Variants in ZNF569 observed in about 807,000 individuals in gnomAD.
ZNF569 encodes the protein zinc finger protein 569, also known as DNA-binding protein.
A neutral mutation model predicts 56.3 loss-of-function variants in ZNF569; 38 were observed. That is an observed-to-expected ratio of 0.68 (90% CI 0.52 to 0.88). ZNF569 has a LOEUF of 0.88. Among genes scored for constraint, ZNF569 ranks in the 40% least tolerant of loss-of-function variants. The pLI is 0.00. For missense variants in ZNF569, 666 were observed against 809.2 expected, an observed-to-expected ratio of 0.82 and a Z score of 2.15; for synonymous variants, 241 against 262.9, an observed-to-expected ratio of 0.92 and a Z score of 0.81.
chr19:37,436,037 A>G (rs1011817906), intron 3 of ZNF569, among the ~76,000 whole-genome samples: 3 of 152,212 alleles, frequency 2.0e-5, no homozygotes, highest in Non-Finnish European at 4.4e-5. Context: ...ATGGCTGCAG[A>G]ATGCGCATTC....
chr19:37,466,168 C>T (rs970779908), intron 1 of ZNF569, among the ~76,000 whole-genome samples: 1 of 152,092 alleles, frequency 6.6e-6, no homozygotes, highest in Non-Finnish European at 1.5e-5. Flanking sequence ...TTTTGTTCTT[C>T]GAGCTTTTCT....
At chr19:37,467,572 T>G, upstream of ZNF569, 1 of 381,180 alleles carries the variant, frequency 2.6e-6, no homozygotes. Flanking sequence ...CCCGGCTCAG[T>G]GTGTTTAGTT....
intron 3 of ZNF569, among the ~76,000 whole-genome samples, chr19:37,439,227 T>C (rs560730341): frequency 6.6e-6 from 1 of 152,294 alleles, no homozygotes; most frequent in Middle Eastern, 3.4e-3. Flanking sequence ...TGCACCACCA[T>C]GCCTGGCTCA....
In ZNF569 at chr19:37,455,128, G is replaced by C. The variant is rs77685108; in HGVS notation, c.-43-10164C>G. ...CAATAAACTTTTGAGAAGTCCTTCA[G>C]TTTATTTTGTCATGGGGCTCAAAAA... On this transcript the variant is annotated intron_variant, in intron 2 of 5. Transcript: ENST00000316950. 4.6e-5 allele frequency: 18 copies of C among 388,154 alleles called. No individual in the cohort carries two copies. In the East Asian group the frequency reaches 7.3e-4, roughly 16 times the overall value. 24.0% of individuals were successfully genotyped at this position (388,154 alleles called of 1,614,324 possible). A position where few individuals can be genotyped will look rare whatever the true frequency, so the allele number is the denominator to read the frequency against.
chr19:37,425,804 A>G, intron 5 of ZNF569, 64 bp downstream of exon 5: 1 of 1,267,970 alleles, frequency 7.9e-7, no homozygotes, highest in South Asian at 1.2e-5. Context: ...GGGATCAACC[A>G]TTCACTGATT....
At chr19:37,456,051 G>T (rs1003534360) in intron 2 of ZNF569, among the ~76,000 whole-genome samples, 1 of 152,184 alleles carries the variant, frequency 6.6e-6, no homozygotes, top group African/African-American at 2.4e-5. Flanking sequence ...TTGGCTAACT[G>T]TAGGCTTCTC....
intron 2 of ZNF569, among the ~76,000 whole-genome samples, chr19:37,452,330 T>A (rs988918457): frequency 2.0e-5 from 3 of 152,250 alleles, no homozygotes; most frequent in Admixed American, 6.5e-5. Context: ...TAAAAGTTAT[T>A]TACCCACCAC....
chr19:37,450,538 CTATT>C (rs1256572228), intron 2 of ZNF569, among the ~76,000 whole-genome samples: 2 of 152,066 alleles, frequency 1.3e-5, no homozygotes, highest in African/African-American at 4.8e-5. Flanking sequence ...TGAGTCTTCT[CTATT>C]TTTTTCATAG....
At chr19:37,424,485 AAG>A (rs1456499574) in intron 5 of ZNF569, among the ~76,000 whole-genome samples, 2 of 152,088 alleles carry the variant, frequency 1.3e-5, no homozygotes, top group African/African-American at 2.4e-5. Flanking sequence ...AGGTTTATAA[AAG>A]AGTTTGCATC....
At chr19:37,464,346 C>T (rs2112920) in intron 2 of ZNF569, among the ~76,000 whole-genome samples, 3 of 151,888 alleles carry the variant, frequency 2.0e-5, no homozygotes, top group Admixed American at 6.6e-5. Flanking sequence ...TGTGCTACCA[C>T]GCCTGGCTAA....
intron 2 of ZNF569, chr19:37,454,776 T>A (rs1191656094): frequency 4.3e-6 from 3 of 695,576 alleles, no homozygotes; most frequent in Non-Finnish European, 7.9e-6. Flanking sequence ...ACACTTTCAT[T>A]AGCTGACATT....
At chr19:37,425,837 C>A (rs375917076) in intron 5 of ZNF569, 31 bp downstream of exon 5, 200 of 1,548,522 alleles carry the variant, frequency 1.3e-4, no homozygotes, top group Non-Finnish European at 1.7e-4. Context: ...GCCCTGACCT[C>A]TCCTCACCTG....
intron 2 of ZNF569, among the ~76,000 whole-genome samples, chr19:37,453,024 CTGAAT>C (rs1182165093): frequency 6.6e-6 from 1 of 152,138 alleles, no homozygotes; most frequent in Non-Finnish European, 1.5e-5. Flanking sequence ...ACTCCCCTGA[CTGAAT>C]TATTTCTAAT....
At chr19:37,434,505 G>A (rs566835729) in intron 3 of ZNF569, among the ~76,000 whole-genome samples, 1 of 152,268 alleles carries the variant, frequency 6.6e-6, no homozygotes, top group East Asian at 1.9e-4. Context: ...TGGCCAACAT[G>A]GTGAAACCCT....
intron 5 of ZNF569, among the ~76,000 whole-genome samples, chr19:37,424,781 A>C (rs1222382004): frequency 7.6e-6 from 1 of 131,224 alleles, no homozygotes; most frequent in Non-Finnish European, 1.5e-5. Context: ...GCACCACTGC[A>C]CTCCAGCCTG....
At chr19:37,452,873 G>A (rs1410049464) in intron 2 of ZNF569, among the ~76,000 whole-genome samples, 8 of 152,052 alleles carry the variant, frequency 5.3e-5, no homozygotes, top group Admixed American at 5.2e-4. Context: ...GGAGTTTTCA[G>A]CCATTACTTT....
upstream of ZNF569, among the ~76,000 whole-genome samples, chr19:37,468,773 T>G (rs1176875932): frequency 2.0e-5 from 3 of 152,204 alleles, no homozygotes; most frequent in African/African-American, 7.2e-5. Context: ...TCCAAAGTGC[T>G]GGGATTACAG....
Position 37,413,612 on chromosome 19 carries a change from G to A in ZNF569, c.1046C>T (p.Thr349Ile). Residue 349 changes from threonine to isoleucine, a missense_variant, in exon 6 of 6, where the codon ACA becomes ATA. Coordinates refer to ENST00000316950, the MANE Select transcript of ZNF569 (RefSeq NM_152484.3). ...ATCACATTTATAAGGTTTTTCTCCTGTATGACTTCTCATATGAAGAGCAAG... is the reference window on the plus strand; with the variant it reads ...ATCACATTTATAAGGTTTTTCTCCTATATGACTTCTCATATGAAGAGCAAG... ...ASLALHMRSH[T>I]GEKPYKCDKC... 1 of 1,613,914 alleles carries A rather than the reference G, an allele frequency of 6.2e-7. No individual in the cohort carries two copies. Among genetic ancestry groups the A allele is most frequent in the Admixed American group, 1.7e-5 (1 of 60,008 alleles).
intron 5 of ZNF569, among the ~76,000 whole-genome samples, chr19:37,422,839 T>G (rs1352325070): frequency 6.6e-6 from 1 of 152,128 alleles, no homozygotes; most frequent in Non-Finnish European, 1.5e-5. Flanking sequence ...AACAAGGTAA[T>G]GGATAAGACA....
Sources: gnomAD v4.1 joint callset for allele counts (sites outside exome capture counted in the v4.1 genomes callset) on GRCh38, gnomAD v4.1.1 for gene constraint, MANE v1.5 for transcripts, NCBI Gene and HGNC (gene_info 2026-07-23, HGNC 2026-07-21) for gene names.